SLC5A3: variants seen among roughly 807,000 people sequenced by gnomAD.
SLC5A3 encodes the protein sodium/myo-inositol cotransporter.
SLC5A3 carries 10 observed loss-of-function variants against 43.2 expected under a neutral mutation model. That is an observed-to-expected ratio of 0.23 (90% confidence interval 0.14 to 0.39). The LOEUF (loss-of-function observed/expected upper bound fraction) is 0.39. Among genes scored for constraint, SLC5A3 ranks in the 10% least tolerant of loss-of-function variants. The pLI, the probability that SLC5A3 is intolerant of heterozygous loss-of-function variation, is 1.00. For missense variants in SLC5A3, 608 were observed against 893.4 expected (o/e 0.68, Z 4.07); for synonymous variants, 349 against 322.0 (o/e 1.08, Z -0.90).
At position 34,073,601 on chromosome 21, in the gene SLC5A3, C is replaced by G; in HGVS notation, c.-481C>G. 9.4e-7 allele frequency: 1 copy of G among 1,061,868 alleles called. No individual in the cohort carries two copies. The highest frequency in any genetic ancestry group is 1.3e-6 in the Non-Finnish European group (1 of 746,034). 65.8% of individuals were successfully genotyped at this position (1,061,868 alleles called of 1,614,324 possible). A position where few individuals can be genotyped will look rare whatever the true frequency, so the allele number is the denominator to read the frequency against. ...GTGCTTTCGCCGCCTGGGAGCCGTC[C>G]GGCGCAGCAGTTTCTAGGTCCCCAC... On this transcript the variant is annotated 5_prime_UTR_variant, in exon 1 of 2. Transcript: ENST00000381151.
intron 1 of SLC5A3, among the ~76,000 whole-genome samples, chr21:34,075,850 G>A (rs1395996309): frequency 6.6e-6 from 1 of 152,164 alleles, no homozygotes; most frequent in Non-Finnish European, 1.5e-5. Context: ...TGTTTGGGGG[G>A]AAACGAATTT....
At chr21:34,085,346 G>A (rs1978327821) in intron 1 of SLC5A3, among the ~76,000 whole-genome samples, 1 of 152,148 alleles carries the variant, frequency 6.6e-6, no homozygotes, top group African/African-American at 2.4e-5. Context: ...CACACCGGGA[G>A]GCATACCACT....
rs1333641853 is a variant in SLC5A3, at chr21:34,102,767, T to C, written c.*5412T>C. ...TAGTGTGGGAACAGTGGTTTTGCTC[T>C]ATACCACTGAAAAGCACTATAACAT... On this transcript the variant is annotated 3_prime_UTR_variant, in exon 2 of 2. Coordinates refer to ENST00000381151, the MANE Select transcript of SLC5A3 (RefSeq NM_006933.7). 1 of 999,910 alleles carries C rather than the reference T, an allele frequency of 1.0e-6. No individual in the cohort carries two copies. Among genetic ancestry groups the C allele is most frequent in the Non-Finnish European group, 1.2e-6 (1 of 829,774 alleles). The allele number at this position is 999,910 out of a possible 1,614,324, so 61.9% of individuals were successfully genotyped here.
rs1979296490 is a variant in SLC5A3 at position 34,102,615 on chromosome 21, T to C, written c.*5260T>C. On this transcript the variant is annotated 3_prime_UTR_variant, in exon 2 of 2. Coordinates refer to ENST00000381151, the MANE Select transcript of SLC5A3 (RefSeq NM_006933.7). ...TTGACTTAAACCAATAACTGTACTT[T>C]ATGTAATGACTCTTAAATTTGGTTA... 4 of 1,000,102 alleles carry C rather than the reference T, an allele frequency of 4.0e-6. No homozygotes were observed. Among genetic ancestry groups the C allele is most frequent in the South Asian group, 9.4e-5 (2 of 21,296 alleles). The allele number at this position is 1,000,102 out of a possible 1,614,324, so 62.0% of individuals were successfully genotyped here. A position where few individuals can be genotyped will look rare whatever the true frequency, so the allele number is the denominator to read the frequency against.
In SLC5A3 at chr21:34,095,292, A is replaced by G; in HGVS notation, c.94A>G (p.Asn32Asp). ...TGGTTTTTTTGCCATGTGGAAATCT[A>G]ATAGAAGCACCGTGAGTGGATACTT... is the stretch of plus-strand genomic sequence containing the variant. Reference protein sequence around the residue: ...CIGFFAMWKSNRSTVSGYFLA... With the variant: ...CIGFFAMWKSDRSTVSGYFLA... Residue 32 changes from asparagine (N) to aspartate (D), a missense_variant, in exon 2 of 2, where the codon AAT (asparagine) becomes GAT (aspartate). This residue lies in a region of SLC5A3 where 398 missense variants were observed against 668.6 expected (regional missense o/e 0.60). Transcript: ENST00000381151. 2 of 1,614,144 alleles carry G rather than the reference A, an allele frequency of 1.2e-6. No homozygotes were observed. The highest frequency in any genetic ancestry group is 8.5e-7 in the Non-Finnish European group (1 of 1,179,986).
In SLC5A3 at chr21:34,104,640, A is replaced by T. The variant is rs553687910; in HGVS notation, c.*7285A>T. ...GGAGAGATTATTCTTGCCAGCAAAA[A>T]GCTAGCCAGGAATGAGCCTACCACA... On this transcript the variant is annotated 3_prime_UTR_variant, in exon 2 of 2. Transcript: ENST00000381151. The T allele has an allele frequency of 1.4e-5, 14 of 1,000,254 alleles. No homozygotes were observed. The South Asian group carries it at 6.1e-4, about 44-fold the overall frequency. 62.0% of individuals were successfully genotyped at this position (1,000,254 alleles called of 1,614,324 possible). A position where few individuals can be genotyped will look rare whatever the true frequency, so the allele number is the denominator to read the frequency against.
At chr21:34,088,593 G>A (rs904537087) in intron 1 of SLC5A3, among the ~76,000 whole-genome samples, 5 of 152,142 alleles carry the variant, frequency 3.3e-5, no homozygotes, top group African/African-American at 1.2e-4. Context: ...TATCGTTAAT[G>A]TTTCTTCCTG....
Position 34,095,963 on chromosome 21 carries a change from A to C in SLC5A3, c.765A>C (p.Thr255=). The C allele has an allele frequency of 6.2e-7, 1 of 1,614,172 alleles. No individual in the cohort carries two copies. The highest frequency in any genetic ancestry group is 1.6e-4 in the Middle Eastern group (1 of 6,062). ...KEALKMLRNP[T]DEDVPWPGFI... is the part of the protein sequence containing the mutation. ...CCCTGAAAATGCTGCGGAATCCAACAGATGAAGATGTTCCTTGGCCTGGAT... is the reference window on the plus strand; with the variant it reads ...CCCTGAAAATGCTGCGGAATCCAACCGATGAAGATGTTCCTTGGCCTGGAT... Residue 255 remains threonine, a synonymous_variant, in exon 2 of 2, where the codon ACA becomes ACC. Transcript: ENST00000381151.
At chr21:34,091,326 TC>T (rs1978677182) in intron 1 of SLC5A3, among the ~76,000 whole-genome samples, 1 of 152,218 alleles carries the variant, frequency 6.6e-6, no homozygotes, top group African/African-American at 2.4e-5. Flanking sequence ...TTTTTCTTGT[TC>T]CTTGTTTGGT....
chr21:34,093,523 G>A (rs780211089), intron 1 of SLC5A3, among the ~76,000 whole-genome samples: 17 of 152,014 alleles, frequency 1.1e-4, no homozygotes, highest in Admixed American at 2.6e-4. Context: ...TGTTTTGAAC[G>A]GTTTTGAGAA....
At chr21:34,094,456 G>A (rs1378385779) in intron 1 of SLC5A3, among the ~76,000 whole-genome samples, 2 of 152,114 alleles carry the variant, frequency 1.3e-5, no homozygotes, top group Admixed American at 6.5e-5. Context: ...AGGATTCATA[G>A]TATTTTAAGA....
chr21:34,104,798 A>G lies in SLC5A3; in HGVS notation c.*7443A>G. 2 of 1,000,226 alleles carry G rather than the reference A, an allele frequency of 2.0e-6. No individual in the cohort carries two copies. The highest frequency in any genetic ancestry group is 2.4e-6 in the Non-Finnish European group (2 of 829,914). The allele number at this position is 1,000,226 out of a possible 1,614,324, so 62.0% of individuals were successfully genotyped here. ...TAATGCAAAGCTGTTATAACCTGTT[A>G]ATCCTACGTACTATGTGTTCTGTAC... On this transcript the variant is annotated 3_prime_UTR_variant, in exon 2 of 2. Transcript: ENST00000381151.
At chr21:34,089,441 C>G (rs1033664453) in intron 1 of SLC5A3, among the ~76,000 whole-genome samples, 2 of 151,838 alleles carry the variant, frequency 1.3e-5, no homozygotes, top group African/African-American at 4.8e-5. Flanking sequence ...GTTCTTCCCT[C>G]CCTGACTGCC....
At chr21:34,088,929 T>C (rs950153566) in intron 1 of SLC5A3, among the ~76,000 whole-genome samples, 64 of 152,270 alleles carry the variant, frequency 4.2e-4, no homozygotes, top group Admixed American at 3.7e-3. Context: ...ATAAACAGTC[T>C]TTTACAAGCA....
At position 34,074,156 on chromosome 21, in the gene SLC5A3, C is replaced by G. The variant is rs1251316350; in HGVS notation, c.-337+411C>G. 1.6e-4 allele frequency among the ~76,000 whole-genome samples: 24 copies of G among 149,248 alleles called. No individual in the cohort carries two copies. The East Asian group carries it at 4.7e-3, about 29-fold the overall frequency. ...GCCAGTCGTGAAGCTGCCTCGTCGC[C>G]GGCCCCGCCGCCGCCGCCTGGTCCG... On this transcript the variant is annotated intron_variant, in intron 1 of 1. Transcript: ENST00000381151.
chr21:34,087,711 C>T (rs190618361), intron 1 of SLC5A3, among the ~76,000 whole-genome samples: 2 of 152,242 alleles, frequency 1.3e-5, no homozygotes, highest in Admixed American at 1.3e-4. Context: ...CTAGTTTGGT[C>T]CATTGTGATG....
chr21:34,098,724 C>T lies in SLC5A3; in HGVS notation c.*1369C>T, dbSNP rs1020853265. On this transcript the variant is annotated 3_prime_UTR_variant, in exon 2 of 2. Coordinates refer to ENST00000381151, the MANE Select transcript of SLC5A3 (RefSeq NM_006933.7). ...GGACTGTGTAATTATAGGACTCTAACTTGACATGGCTTGGCACCCACTTGC... is the reference window on the plus strand; with the variant it reads ...GGACTGTGTAATTATAGGACTCTAATTTGACATGGCTTGGCACCCACTTGC... The T allele has an allele frequency of 2.0e-6, 2 of 1,000,074 alleles. No homozygotes were observed. The highest frequency in any genetic ancestry group is 6.2e-5 in the Admixed American group (1 of 16,246). 62.0% of individuals were successfully genotyped at this position (1,000,074 alleles called of 1,614,324 possible).
chr21:34,099,560 T>C lies in SLC5A3; in HGVS notation c.*2205T>C. ...TAATTGACATATTGGCTGGGCAGCC[T>C]ATCTCTTCCATATCCAGCGTAAATG... On this transcript the variant is annotated 3_prime_UTR_variant, in exon 2 of 2. Coordinates refer to ENST00000381151, the MANE Select transcript of SLC5A3 (RefSeq NM_006933.7). 2.0e-6 allele frequency: 2 copies of C among 999,960 alleles called. No individual in the cohort carries two copies. The highest frequency in any genetic ancestry group is 5.2e-4 in the Middle Eastern group (1 of 1,914). 61.9% of individuals were successfully genotyped at this position (999,960 alleles called of 1,614,324 possible). A position where few individuals can be genotyped will look rare whatever the true frequency, so the allele number is the denominator to read the frequency against.
Position 34,097,441 on chromosome 21 carries a change from C to G in SLC5A3, c.*86C>G. 1 of 1,502,990 alleles carries G rather than the reference C, an allele frequency of 6.7e-7. No homozygotes were observed. Among genetic ancestry groups the G allele is most frequent in the Non-Finnish European group, 8.9e-7 (1 of 1,129,094 alleles). The allele number at this position is 1,502,990 out of a possible 1,614,324, so 93.1% of individuals were successfully genotyped here. Reference sequence around the variant, plus strand: ...GTTATGTAACTGTGCATCTCTCAGGCATTGTTTACGCTGTAGGTTTTAGCC... The same window carrying G: ...GTTATGTAACTGTGCATCTCTCAGGGATTGTTTACGCTGTAGGTTTTAGCC... On this transcript the variant is annotated 3_prime_UTR_variant, in exon 2 of 2. Coordinates refer to ENST00000381151, the MANE Select transcript of SLC5A3 (RefSeq NM_006933.7).
Sources: gnomAD v4.1 joint callset for allele counts (sites outside exome capture counted in the v4.1 genomes callset) on GRCh38, gnomAD v4.1.1 for gene constraint, gnomAD v4.1.1 regional missense constraint, MANE v1.5 for transcripts, NCBI Gene and HGNC (gene_info 2026-07-23, HGNC 2026-07-21) for gene names.